RBPJ: variants seen among roughly 807,000 people sequenced by gnomAD.
RBPJ encodes the protein recombination signal binding protein for immunoglobulin kappa J region.
In RBPJ, 9 loss-of-function variants were observed where a neutral mutation model predicts 67.8. The ratio of observed to expected loss-of-function variants is 0.13; its 90% CI spans 0.08 to 0.23. The LOEUF is 0.23. RBPJ is among the 10% of genes least tolerant of loss of function. RBPJ has a pLI of 1.00. For missense variants in RBPJ, 305 were observed against 595.6 expected (o/e 0.51, Z 5.08); for synonymous variants, 198 against 203.3 (o/e 0.97, Z 0.22).
intron 1 of RBPJ, among the ~76,000 whole-genome samples, chr4:26,373,470 GAT>G (rs753833757): frequency 2.4e-4 from 37 of 152,064 alleles, no homozygotes; most frequent in Non-Finnish European, 5.1e-4. Context: ...TGCACTGCTG[GAT>G]TCAAGTACAT....
chr4:26,213,277 G>A (rs1289948755), intron 1 of RBPJ, among the ~76,000 whole-genome samples: 1 of 152,186 alleles, frequency 6.6e-6, no homozygotes, highest in Non-Finnish European at 1.5e-5. Context: ...GGTGTCTGCT[G>A]CAGAATTGAT....
intron 1 of RBPJ, among the ~76,000 whole-genome samples, chr4:26,304,172 G>A (rs1281286223): frequency 1.3e-5 from 2 of 152,194 alleles, no homozygotes; most frequent in South Asian, 4.1e-4. Context: ...CCATGTTGTA[G>A]TGTGTTTCAT....
At chr4:26,403,762 C>T (rs2109733147) in intron 2 of RBPJ, among the ~76,000 whole-genome samples, 1 of 152,078 alleles carries the variant, frequency 6.6e-6, no homozygotes, top group South Asian at 2.1e-4. Context: ...GTATGTACCA[C>T]ACTTTCTTTT....
At chr4:26,376,557 C>T (rs1413605108) in intron 1 of RBPJ, among the ~76,000 whole-genome samples, 2 of 152,144 alleles carry the variant, frequency 1.3e-5, no homozygotes, top group Non-Finnish European at 2.9e-5. Context: ...TTGTTTTCCA[C>T]CTTTTGGCTA....
chr4:26,331,415 T>C (rs1724244766), intron 1 of RBPJ, among the ~76,000 whole-genome samples: 2 of 151,982 alleles, frequency 1.3e-5, no homozygotes, highest in African/African-American at 4.8e-5. Flanking sequence ...CATACCTTTC[T>C]ATTTATCTCA....
intron 1 of RBPJ, among the ~76,000 whole-genome samples, chr4:26,193,503 G>A (rs1717643673): frequency 6.6e-6 from 1 of 151,240 alleles, no homozygotes; most frequent in African/African-American, 2.4e-5. Flanking sequence ...TTTTTTAGTT[G>A]AAGACTTTTT....
At chr4:26,206,246 T>C (rs1165774311) in intron 1 of RBPJ, among the ~76,000 whole-genome samples, 2 of 152,170 alleles carry the variant, frequency 1.3e-5, no homozygotes, top group South Asian at 2.1e-4. Flanking sequence ...TTTGCCAAGA[T>C]TGATTTATTT....
chr4:26,124,364 C>A, the RBPJ span, among the ~76,000 whole-genome samples: 1 of 143,708 alleles, frequency 7.0e-6, no homozygotes, highest in Non-Finnish European at 1.5e-5. Flanking sequence ...TCATCCAGGT[C>A]GCTGTGAATG....
At chr4:26,220,048 G>T (rs1180981955) in intron 1 of RBPJ, among the ~76,000 whole-genome samples, 1 of 152,060 alleles carries the variant, frequency 6.6e-6, no homozygotes, top group Non-Finnish European at 1.5e-5. Context: ...CTCCCGAAGT[G>T]CTGGGATTAC....
chr4:26,317,537 G>A (rs1283357263), upstream of RBPJ, among the ~76,000 whole-genome samples: 1 of 152,124 alleles, frequency 6.6e-6, no homozygotes, highest in East Asian at 1.9e-4. Flanking sequence ...AGTTCTAGAG[G>A]GCCACTGAGA....
At chr4:26,408,072 A>G (rs991501219) in intron 3 of RBPJ, among the ~76,000 whole-genome samples, 2 of 151,554 alleles carry the variant, frequency 1.3e-5, no homozygotes, top group African/African-American at 4.8e-5. Flanking sequence ...ACGGGGTTTC[A>G]CTATGCCGTC....
chr4:26,353,609 CTTTT>C (rs5856939), intron 1 of RBPJ, among the ~76,000 whole-genome samples: 4 of 127,702 alleles, frequency 3.1e-5, no homozygotes, highest in Admixed American at 8.0e-5. Flanking sequence ...TCACAGTATT[CTTTT>C]TTTTTTTTTT....
chr4:26,373,595 A>G (rs1425606684), intron 1 of RBPJ, among the ~76,000 whole-genome samples: 1 of 152,234 alleles, frequency 6.6e-6, no homozygotes, highest in African/African-American at 2.4e-5. Flanking sequence ...CAGAAAAAAG[A>G]ACACAAAACC....
At chr4:26,361,431 T>C (rs1475104577) in intron 1 of RBPJ, among the ~76,000 whole-genome samples, 1 of 152,148 alleles carries the variant, frequency 6.6e-6, no homozygotes. Flanking sequence ...AACCAGGAAA[T>C]AGTTTCATTT....
chr4:26,294,291 G>T (rs895622330), intron 1 of RBPJ, among the ~76,000 whole-genome samples: 3 of 151,698 alleles, frequency 2.0e-5, no homozygotes, highest in East Asian at 1.9e-4. Context: ...TAGAGACAGG[G>T]TTTCACCATC....
At chr4:26,298,286 A>G (rs753553079) in intron 1 of RBPJ, among the ~76,000 whole-genome samples, 54 of 152,206 alleles carry the variant, frequency 3.5e-4, no homozygotes, top group Non-Finnish European at 1.5e-4. Flanking sequence ...TTAACTCACA[A>G]TTGAGTCTCA....
chr4:26,377,472 A>G (rs1206694282), intron 1 of RBPJ, among the ~76,000 whole-genome samples: 3 of 152,260 alleles, frequency 2.0e-5, no homozygotes, highest in Non-Finnish European at 4.4e-5. Context: ...GAAGGCAGAC[A>G]AAATCATCAG....
Position 26,420,885 on chromosome 4 carries a change from G to A in RBPJ, c.496+160G>A, listed in dbSNP as rs17639483. The A allele has an allele frequency of 0.45, 266,905 of 597,276 alleles. 64,048 individuals carry two copies. The highest frequency in any genetic ancestry group is 0.52 in the Admixed American group (14,769 of 28,654). 37.0% of individuals were successfully genotyped at this position (597,276 alleles called of 1,614,324 possible). ...CTCTTTTTTTAATCGTAAATCGACA[G>A]TATGTGGTCTAATGAAGCAGTTCTT... On this transcript the variant is annotated intron_variant, in intron 5 of 10. Transcript: ENST00000355476.
chr4:26,352,471 C>G (rs1408166567), intron 1 of RBPJ, among the ~76,000 whole-genome samples: 2 of 152,158 alleles, frequency 1.3e-5, no homozygotes, highest in Non-Finnish European at 2.9e-5. Context: ...TGTAGGGGGA[C>G]ACAAACATTC....
Sources: gnomAD v4.1 joint callset for allele counts (sites outside exome capture counted in the v4.1 genomes callset) on GRCh38, gnomAD v4.1.1 for gene constraint, MANE v1.5 for transcripts, NCBI Gene and HGNC (gene_info 2026-07-23, HGNC 2026-07-21) for gene names.